Variants in IL1RAPL1 observed in about 807,000 individuals in gnomAD.
The protein encoded by IL1RAPL1 is interleukin 1 receptor accessory protein like 1, also known as interleukin-1 receptor accessory protein-like 1.
IL1RAPL1 carries 3 observed loss-of-function variants against 48.4 expected under a neutral mutation model. The ratio of observed to expected loss-of-function variants is 0.06; its 90% CI spans 0.03 to 0.16. The LOEUF (loss-of-function observed/expected upper bound fraction) is 0.16, where lower values mean the gene tolerates loss of function less well. Among genes scored for constraint, IL1RAPL1 ranks in the 10% least tolerant of loss-of-function variants. The pLI is 1.00. For synonymous variants in IL1RAPL1, 185 were observed against 187.7 expected (o/e 0.99, Z 0.12); for missense variants, 349 against 530.6 (o/e 0.66, Z 3.36).
chrX:29,764,686 C>T (rs1928837321), intron 6 of IL1RAPL1, among the ~76,000 whole-genome samples: 1 of 112,115 alleles, frequency 8.9e-6, no homozygotes, highest in Non-Finnish European at 1.9e-5. Flanking sequence ...GTCTAAGTCA[C>T]ATGTTGTATT....
chrX:28,795,259 A>T (rs1268441104), intron 2 of IL1RAPL1, among the ~76,000 whole-genome samples: 6 of 111,841 alleles, frequency 5.4e-5, no homozygotes, highest in East Asian at 5.6e-4. Flanking sequence ...TTCCTTTGAA[A>T]TTATGTCCTT....
chrX:29,148,263 G>A (rs1347993950), intron 2 of IL1RAPL1, among the ~76,000 whole-genome samples: 1 of 111,526 alleles, frequency 9.0e-6, no homozygotes, highest in East Asian at 2.8e-4. Flanking sequence ...TGAGTGTTCA[G>A]GTTTATTGGT....
At position 29,004,796 on chromosome X, in the gene IL1RAPL1, G is replaced by A. The variant is rs1219766059; in HGVS notation, c.82+215371G>A. Among the ~76,000 whole-genome samples the A allele has an allele frequency of 6.3e-5, 7 of 111,402 alleles. No individual in the cohort carries two copies. The Admixed American group carries it at 6.7e-4, about 11-fold the overall frequency. ...GGACCACTTGAGCCCCGGAGTTTGA[G>A]GCTGTTTTGAGGCTTGATTGTGCCA... On this transcript the variant is annotated intron_variant, in intron 2 of 10. Coordinates refer to ENST00000378993, the MANE Select transcript of IL1RAPL1 (RefSeq NM_014271.4).
At chrX:29,662,912 A>G (rs963388317) in intron 5 of IL1RAPL1, among the ~76,000 whole-genome samples, 1 of 112,011 alleles carries the variant, frequency 8.9e-6, no homozygotes, top group Non-Finnish European at 1.9e-5. Context: ...TTTGCAACAG[A>G]AAGGAGAAAT....
chrX:28,941,425 C>T (rs1330012067), intron 2 of IL1RAPL1, among the ~76,000 whole-genome samples: 1 of 110,776 alleles, frequency 9.0e-6, no homozygotes, highest in Non-Finnish European at 1.9e-5. Context: ...CTTCAGACAT[C>T]CCTTTTTGGT....
intron 2 of IL1RAPL1, among the ~76,000 whole-genome samples, chrX:28,852,911 A>G (rs1226489012): frequency 1.8e-5 from 2 of 110,759 alleles, no homozygotes; most frequent in Non-Finnish European, 3.8e-5. Flanking sequence ...TGATGTATAA[A>G]TAGCATTTAG....
intron 3 of IL1RAPL1, among the ~76,000 whole-genome samples, chrX:29,290,987 A>G (rs745560394): frequency 1.8e-5 from 2 of 111,870 alleles, no homozygotes; most frequent in East Asian, 5.6e-4. Context: ...TTGACCCTTA[A>G]TACTGTCATT....
chrX:28,636,969 T>A (rs763354611), intron 1 of IL1RAPL1, among the ~76,000 whole-genome samples: 10 of 111,434 alleles, frequency 9.0e-5, no homozygotes, highest in Non-Finnish European at 1.5e-4. Context: ...ATGTTTGCCG[T>A]ACCACCAAAC....
chrX:29,703,001 GAACA>G (rs1202987465), intron 6 of IL1RAPL1, among the ~76,000 whole-genome samples: 1 of 112,120 alleles, frequency 8.9e-6, no homozygotes, highest in East Asian at 2.8e-4. Context: ...AAAATAAATA[GAACA>G]AAGAGAAAAT....
chrX:28,985,778 G>A (rs1428450307), intron 2 of IL1RAPL1, among the ~76,000 whole-genome samples: 8 of 107,620 alleles, frequency 7.4e-5, no homozygotes, highest in Admixed American at 4.0e-4. Flanking sequence ...TCCTGCCTCA[G>A]CCTCCCGAGT....
intron 6 of IL1RAPL1, among the ~76,000 whole-genome samples, chrX:29,801,024 A>AC (rs1929871707): frequency 1.3e-5 from 1 of 74,961 alleles, no homozygotes; most frequent in Non-Finnish European, 2.5e-5. Flanking sequence ...AAAAAAAAAA[A>AC]AAAAAAAAAA....
intron 1 of IL1RAPL1, among the ~76,000 whole-genome samples, chrX:28,774,379 G>T (rs1010064944): frequency 9.0e-6 from 1 of 111,362 alleles, no homozygotes; most frequent in Admixed American, 9.6e-5. Context: ...GGATTATCCG[G>T]GTCCTCTGGC....
At chrX:29,327,062 T>A (rs12008495) in intron 3 of IL1RAPL1, among the ~76,000 whole-genome samples, 1 of 111,127 alleles carries the variant, frequency 9.0e-6, no homozygotes, top group African/African-American at 3.3e-5. Context: ...CTCTTGAGAA[T>A]TGCCACACTA....
At chrX:29,497,728 G>T (rs941066518) in intron 5 of IL1RAPL1, among the ~76,000 whole-genome samples, 2 of 110,424 alleles carry the variant, frequency 1.8e-5, no homozygotes, top group Non-Finnish European at 3.8e-5. Flanking sequence ...TGGTTCTGGA[G>T]AAAATATAAT....
chrX:29,644,716 G>A (rs1370617158), intron 5 of IL1RAPL1, among the ~76,000 whole-genome samples: 1 of 111,487 alleles, frequency 9.0e-6, no homozygotes, highest in Non-Finnish European at 1.9e-5. Flanking sequence ...ACAGGCATGC[G>A]CCACCTTGCC....
chrX:28,961,880 C>T (rs1426859221), intron 2 of IL1RAPL1, among the ~76,000 whole-genome samples: 1 of 111,458 alleles, frequency 9.0e-6, no homozygotes, highest in South Asian at 3.7e-4. Flanking sequence ...AAATAGATAC[C>T]ATTTAATTTT....
At chrX:29,310,720 G>A (rs1013765454) in intron 3 of IL1RAPL1, among the ~76,000 whole-genome samples, 1 of 111,976 alleles carries the variant, frequency 8.9e-6, no homozygotes, top group South Asian at 3.7e-4. Context: ...CACCTCCTAA[G>A]TAGCTTTTAA....
At chrX:29,247,962 G>A (rs1931545084) in intron 2 of IL1RAPL1, among the ~76,000 whole-genome samples, 1 of 111,449 alleles carries the variant, frequency 9.0e-6, no homozygotes, top group South Asian at 3.7e-4. Context: ...ACACACTAGG[G>A]TTCTTGACAC....
In IL1RAPL1 at chrX:29,585,637, C is replaced by G. The variant is rs1479716834; in HGVS notation, c.704-82793C>G. 4.5e-5 allele frequency among the ~76,000 whole-genome samples: 5 copies of G among 112,170 alleles called. 1 individual carries two copies. The East Asian group carries it at 1.1e-3, about 25-fold the overall frequency. ...ACAGCTGTACCATTTTACATTCCCACTAACAGTGTGCCAGGGTCCTAATTT... is the reference window on the plus strand; with the variant it reads ...ACAGCTGTACCATTTTACATTCCCAGTAACAGTGTGCCAGGGTCCTAATTT... On this transcript the variant is annotated intron_variant, in intron 5 of 10. Transcript: ENST00000378993.
Sources: allele counts gnomAD v4.1 joint callset (sites outside exome capture counted in the v4.1 genomes callset), GRCh38; gene constraint gnomAD v4.1.1; transcripts MANE v1.5; gene names NCBI Gene and HGNC (gene_info 2026-07-23, HGNC 2026-07-21).